Variants in MUC12 observed in about 807,000 individuals in gnomAD.
MUC12 encodes the protein mucin 12, cell surface associated.
MUC12 carries 172 observed loss-of-function variants against 230.8 expected under a neutral mutation model. The ratio of observed to expected loss-of-function variants is 0.75; its 90% confidence interval spans 0.66 to 0.85. MUC12 has a LOEUF of 0.85. Ranked by LOEUF, MUC12 falls within the 40% of genes least tolerant of loss-of-function variation. The pLI, the probability that MUC12 is intolerant of heterozygous loss-of-function variation, is 0.00. For missense variants in MUC12, 3,506 were observed against 5,920.6 expected, an observed-to-expected ratio of 0.59 and a Z score of 13.38; for synonymous variants, 1,259 against 2,401.9, an observed-to-expected ratio of 0.52 and a Z score of 13.91.
At chr7:101,017,792 G>T in intron 11 of MUC12, 129 bp downstream of exon 11, 1 of 552,734 alleles carries the variant, frequency 1.8e-6, no homozygotes. Flanking sequence ...CCTTCCCCCT[G>T]GGACCCCTTC....
At position 101,004,625 on chromosome 7, in the gene MUC12, A is replaced by G; in HGVS notation, c.14062A>G (p.Ser4688Gly). ...TAGTGAGGAATCAACAGCATCCCAC[A>G]GCAGCCCAGATACAAATGGAATCAC... ...GRSEESTASH[S>G]SPDTNGITPL... The change falls in exon 2 of 12, where the codon AGC becomes GGC. Residue 4688 changes from serine (S) to glycine (G), a missense_variant. By Grantham distance (56) the Ser-to-Gly change is moderately conservative. Transcript: ENST00000536621. 6.5e-7 allele frequency: 1 copy of G among 1,537,424 alleles called. No individual in the cohort carries two copies. Among genetic ancestry groups the G allele is most frequent in the Non-Finnish European group, 8.7e-7 (1 of 1,146,600 alleles).
rs536833397 is a variant in MUC12 at position 100,977,774 on chromosome 7, C to G, written c.67+8085C>G. ...GTAGAGACGGGGTCTTGCTATGTTGCCCAGGCTGATCTCAAACTCCTGGGC... is the reference window on the plus strand; with the variant it reads ...GTAGAGACGGGGTCTTGCTATGTTGGCCAGGCTGATCTCAAACTCCTGGGC... On this transcript the variant is annotated intron_variant, in intron 1 of 11. Coordinates refer to ENST00000536621, the MANE Select transcript of MUC12 (RefSeq NM_001164462.2). Among the ~76,000 whole-genome samples the G allele has an allele frequency of 2.6e-5, 4 of 151,876 alleles. No individual in the cohort carries two copies. The East Asian group carries it at 7.7e-4, about 29-fold the overall frequency.
rs771353225 is a variant in MUC12 at position 100,992,532 on chromosome 7, C to G, written c.1969C>G (p.Pro657Ala). The G allele has an allele frequency of 2.0e-6, 3 of 1,537,848 alleles. No individual in the cohort carries two copies. The highest frequency in any genetic ancestry group is 3.9e-5 in the Admixed American group (2 of 50,982). ...TACTACCACATCAGCCTTTGTTGAGCCATCTACAACCTCCCACGGCAGCCC... is the reference window on the plus strand; with the variant it reads ...TACTACCACATCAGCCTTTGTTGAGGCATCTACAACCTCCCACGGCAGCCC... ...PPTTTSAFVE[P>A]STTSHGSPSS... Residue 657 changes from proline (P) to alanine (A), a missense_variant, in exon 2 of 12, where the codon CCA (proline) becomes GCA (alanine). Physicochemically the swap from Pro to Ala is conservative, Grantham distance 27 (BLOSUM62 -1). Coordinates refer to ENST00000536621, the MANE Select transcript of MUC12 (RefSeq NM_001164462.2).
Position 101,004,966 on chromosome 7 carries a change from A to G in MUC12, c.14403A>G (p.Pro4801=). The change falls in exon 2 of 12, where the codon CCA becomes CCG. Residue 4801 remains proline (P), a synonymous_variant. Transcript: ENST00000536621. ...SQESTTFHSK[P]GSTETTLSPG... ...AATCAACAACTTTCCACAGTAAGCCAGGCTCAACTGAGACAACACTGTCCC... is the reference window on the plus strand; with the variant it reads ...AATCAACAACTTTCCACAGTAAGCCGGGCTCAACTGAGACAACACTGTCCC... 6.5e-7 allele frequency: 1 copy of G among 1,537,784 alleles called. No individual in the cohort carries two copies. Among genetic ancestry groups the G allele is most frequent in the African/African-American group, 1.4e-5 (1 of 73,166 alleles).
rs758211362 is a variant in MUC12, at chr7:100,969,709, T to C, written c.67+20T>C. On this transcript the variant is annotated intron_variant, in intron 1 of 11. Transcript: ENST00000536621. ...CACCAGGTGAGTGCTCCTGGGCTGA[T>C]GCTCCAGGTCCAGTGCTCCTGGGTG... 1.3e-6 allele frequency: 2 copies of C among 1,537,274 alleles called. No homozygotes were observed. Among genetic ancestry groups the C allele is most frequent in the Non-Finnish European group, 1.7e-6 (2 of 1,146,904 alleles).
rs143264752 is a variant in MUC12, at chr7:100,984,041, G to A, written c.68-6590G>A. Reference sequence around the variant, plus strand: ...TCTCCTCGTTGTACTGAGGGTCTAGGAGCCCCCATGAGGGGCGGGGGGTAC... The same window carrying A: ...TCTCCTCGTTGTACTGAGGGTCTAGAAGCCCCCATGAGGGGCGGGGGGTAC... On this transcript the variant is annotated intron_variant, in intron 1 of 11. Transcript: ENST00000536621. Among the ~76,000 whole-genome samples, 476 of 152,212 alleles carry A rather than the reference G, an allele frequency of 3.1e-3. 2 individuals are homozygous for A. Among genetic ancestry groups the A allele is most frequent in the Non-Finnish European group, 4.7e-3 (317 of 68,008 alleles).
intron 1 of MUC12, among the ~76,000 whole-genome samples, chr7:100,982,425 T>TTTTTC (rs1239167097): frequency 6.6e-6 from 1 of 150,984 alleles, no homozygotes; most frequent in Non-Finnish European, 1.5e-5. Context: ...GTAAAAGTCA[T>TTTTTC]TTTTCTTTTC....
chr7:101,013,228 A>G, intron 8 of MUC12, 86 bp downstream of exon 8: 1 of 1,462,784 alleles, frequency 6.8e-7, no homozygotes, highest in Non-Finnish European at 9.2e-7. Context: ...GGGTTGGGGG[A>G]TTGAGTAGAG....
At chr7:101,008,537 T>C (rs1793791251) in intron 3 of MUC12, 97 bp from the exon 4 acceptor site, 1 of 1,432,318 alleles carries the variant, frequency 7.0e-7, no homozygotes, top group African/African-American at 1.4e-5. Context: ...TTAAGTTTCT[T>C]TCACCTTCAA....
chr7:100,981,544 A>G, intron 1 of MUC12: 2 of 440,146 alleles, frequency 4.5e-6, no homozygotes, highest in Admixed American at 4.2e-5. Flanking sequence ...GAGATTTCAG[A>G]AAGAGGAAGG....
chr7:100,991,507 C>G lies in MUC12; in HGVS notation c.944C>G (p.Thr315Ser), dbSNP rs775635504. 1 of 1,537,212 alleles carries G rather than the reference C, an allele frequency of 6.5e-7. No individual in the cohort carries two copies. Among genetic ancestry groups the G allele is most frequent in the Non-Finnish European group, 8.7e-7 (1 of 1,146,522 alleles). The change falls in exon 2 of 12, where the codon ACC becomes AGC. Residue 315 changes from threonine to serine, a missense_variant. Transcript: ENST00000536621. ...YHSSPSSTPTTHFSASSTTLG... is the reference protein window; with the variant it reads ...YHSSPSSTPTSHFSASSTTLG... ...AGCAGCCCGAGCTCAACTCCAACAA[C>G]CCACTTTTCTGCCAGCTCCACAACC...
intron 2 of MUC12, among the ~76,000 whole-genome samples, chr7:101,006,234 T>C (rs986060988): frequency 2.0e-5 from 3 of 152,192 alleles, no homozygotes; most frequent in African/African-American, 7.2e-5. Flanking sequence ...ATAAGAGTGC[T>C]TTTTTCATAG....
intron 1 of MUC12, among the ~76,000 whole-genome samples, chr7:100,975,331 C>G (rs886234318): frequency 6.6e-6 from 1 of 152,308 alleles, no homozygotes; most frequent in African/African-American, 2.4e-5. Context: ...AAGGGGTCAG[C>G]GCTCTTTAGC....
chr7:101,006,403 G>C, intron 2 of MUC12, 68 bp from the exon 3 acceptor site: 1 of 1,033,908 alleles, frequency 9.7e-7, no homozygotes, highest in East Asian at 2.6e-5. Context: ...ACTGGACCTG[G>C]AATGGGAGTG....
chr7:100,990,003 A>C (rs184709286), intron 1 of MUC12, among the ~76,000 whole-genome samples: 11 of 152,290 alleles, frequency 7.2e-5, no homozygotes, highest in Admixed American at 3.9e-4. Context: ...CTAAAAATTC[A>C]AGTTACAAAT....
In MUC12 at chr7:101,005,107, G is replaced by T; in HGVS notation, c.14544G>T (p.Glu4848Asp). 1.3e-6 allele frequency: 2 copies of T among 1,537,764 alleles called. No homozygotes were observed. Among genetic ancestry groups the T allele is most frequent in the Non-Finnish European group, 1.7e-6 (2 of 1,147,016 alleles). The change falls in exon 2 of 12, where the codon GAG becomes GAT. Residue 4848 changes from glutamate to aspartate, a missense_variant. Transcript: ENST00000536621. Reference sequence around the variant, plus strand: ...GCACCACAGTGCCAGGCCTTAGTGAGGAATCTACCACCTTCTACAGCAGCC... The same window carrying T: ...GCACCACAGTGCCAGGCCTTAGTGATGAATCTACCACCTTCTACAGCAGCC... ...PASTTVPGLSEESTTFYSSPG... is the reference protein window; with the variant it reads ...PASTTVPGLSDESTTFYSSPG...
At position 100,991,099 on chromosome 7, in the gene MUC12, C is replaced by T. The variant is rs1034230127; in HGVS notation, c.536C>T (p.Ala179Val). Residue 179 changes from alanine to valine, a missense_variant, in exon 2 of 12, where the codon GCG (alanine) becomes GTG (valine). Coordinates refer to ENST00000536621, the MANE Select transcript of MUC12 (RefSeq NM_001164462.2). ...CGACCAGGCCCAACGCACACAATAG[C>T]GTTCCCTGACAGTACCACCATGCCA... ...HSRPGPTHTI[A>V]FPDSTTMPGV... 3.6e-5 allele frequency: 55 copies of T among 1,537,466 alleles called. No homozygotes were observed. Among genetic ancestry groups the T allele is most frequent in the Non-Finnish European group, 4.2e-5 (48 of 1,146,860 alleles).
rs1420892298 is a variant in MUC12 at position 101,004,537 on chromosome 7, C to G, written c.13974C>G (p.Tyr4658Ter). The G allele has an allele frequency of 3.3e-6, 5 of 1,536,736 alleles. No homozygotes were observed. Among genetic ancestry groups the G allele is most frequent in the African/African-American group, 2.7e-5 (2 of 72,752 alleles). ...CCCTTGTTGAAGAACCTACCAGCTACCACAGCAGCCCGGGCTCAATTGCAA... is the reference window on the plus strand; with the variant it reads ...CCCTTGTTGAAGAACCTACCAGCTAGCACAGCAGCCCGGGCTCAATTGCAA... ...TSALVEEPTS[Y>*]HSSPGSIATT... Residue 4658 changes from tyrosine (Y) to a stop codon, truncating the protein, a stop_gained, in exon 2 of 12, where the codon TAC becomes TAG. Coordinates refer to ENST00000536621, the MANE Select transcript of MUC12 (RefSeq NM_001164462.2). LOFTEE classifies it high-confidence loss of function.
At position 100,995,851 on chromosome 7, in the gene MUC12, C is replaced by T. The variant is rs1358676094; in HGVS notation, c.5288C>T (p.Ser1763Leu). 2.1e-6 allele frequency: 3 copies of T among 1,459,678 alleles called. No homozygotes were observed. The South Asian group carries it at 3.7e-5, about 18-fold the overall frequency. 90.4% of individuals were successfully genotyped at this position (1,459,678 alleles called of 1,614,324 possible). A position where few individuals can be genotyped will look rare whatever the true frequency, so the allele number is the denominator to read the frequency against. The change falls in exon 2 of 12, where the codon TCA becomes TTA. Residue 1763 changes from serine to leucine, a missense_variant. Transcript: ENST00000536621. ...TTPSPARSTT[S>L]GLVEESTAYH... ...CCCTCGCCTGCCCGCTCCACAACCT[C>T]AGGCCTCGTTGAAGAATCTACGGCG... is the stretch of plus-strand genomic sequence containing the variant.
Sources: gnomAD v4.1 joint callset for allele counts (sites outside exome capture counted in the v4.1 genomes callset) on GRCh38, gnomAD v4.1.1 for gene constraint, MANE v1.5 for transcripts, NCBI Gene and HGNC (gene_info 2026-07-23, HGNC 2026-07-21) for gene names.